Variants in WNT4 observed in about 807,000 individuals in gnomAD.
The protein encoded by WNT4 is protein Wnt-4.
In WNT4, 16 loss-of-function variants were observed where a neutral mutation model predicts 34.5. The observed-to-expected ratio is 0.46, with a 90% CI of 0.31 to 0.70. WNT4 has a LOEUF of 0.70. Ranked by LOEUF, WNT4 falls within the 30% of genes least tolerant of loss-of-function variation. The pLI is 0.04. For synonymous variants in WNT4, 200 were observed against 211.9 expected, an observed-to-expected ratio of 0.94 and a Z score of 0.49; for missense variants, 379 against 495.9, an observed-to-expected ratio of 0.76 and a Z score of 2.24.
chr1:22,137,271 C>A lies in WNT4; in HGVS notation c.77+5575G>T, dbSNP rs1213516590. On this transcript the variant is annotated intron_variant, in intron 1 of 4. Transcript: ENST00000290167. This position sits in a 1 kb window ranked among gnomAD's most constrained non-coding sequence, Gnocchi z 5.3. Reference sequence around the variant, plus strand: ...GAGCTGGTGGGGTCACGGCAGGGAGCGAGCCGTCCCGAGTTTGGCTGAATC... The same window carrying A: ...GAGCTGGTGGGGTCACGGCAGGGAGAGAGCCGTCCCGAGTTTGGCTGAATC... Among the ~76,000 whole-genome samples the A allele has an allele frequency of 1.3e-5, 2 of 152,180 alleles. No individual in the cohort carries two copies. The highest frequency in any genetic ancestry group is 2.9e-5 in the Non-Finnish European group (2 of 68,034).
chr1:22,134,295 A>G lies in WNT4; in HGVS notation c.78-4444T>C, dbSNP rs1646005400. Among the ~76,000 whole-genome samples, 1 of 152,198 alleles carries G rather than the reference A, an allele frequency of 6.6e-6. No individual in the cohort carries two copies. Among genetic ancestry groups the G allele is most frequent in the African/African-American group, 2.4e-5 (1 of 41,444 alleles). The stretch of plus-strand genomic sequence containing the variant: ...CGGAAGAAAACGGAGTGGCTGCTGA[A>G]CAGAGCTGCCTTGGGGGATGCGGGC... On this transcript the variant is annotated intron_variant, in intron 1 of 4. Transcript: ENST00000290167. The surrounding 1 kb of genome is among the most constrained non-coding windows in gnomAD (Gnocchi z 4.1).
At chr1:22,122,341 A>C (rs1389060155) in intron 2 of WNT4, among the ~76,000 whole-genome samples, 1 of 152,124 alleles carries the variant, frequency 6.6e-6, no homozygotes, top group African/African-American at 2.4e-5. Flanking sequence ...ATTTGGTCCC[A>C]GTCACCCAGC....
At chr1:22,128,934 A>T (rs1282644407) in intron 2 of WNT4, among the ~76,000 whole-genome samples, 1 of 152,044 alleles carries the variant, frequency 6.6e-6, no homozygotes, top group African/African-American at 2.4e-5. Context: ...GTTACCCAGG[A>T]TGGTGTCGAT....
In WNT4 at chr1:22,140,285, G is replaced by A. The variant is rs535020401; in HGVS notation, c.77+2561C>T. The A allele has an allele frequency of 7.1e-6, 7 of 985,438 alleles. No homozygotes were observed. The highest frequency in any genetic ancestry group is 3.5e-5 in the African/African-American group (2 of 57,366). 61.0% of individuals were successfully genotyped at this position (985,438 alleles called of 1,614,324 possible). On this transcript the variant is annotated intron_variant, in intron 1 of 4. Transcript: ENST00000290167. The surrounding 1 kb of genome is among the most constrained non-coding windows in gnomAD (Gnocchi z 5.9). The stretch of plus-strand genomic sequence containing the variant: ...TCCTTCTAGAGGCAGCTTTTCAGTC[G>A]GACACCTCTGGCATTTACCAGCTGG...
intron 1 of WNT4, among the ~76,000 whole-genome samples, chr1:22,131,927 G>C (rs1387714978): frequency 6.6e-6 from 1 of 152,238 alleles, no homozygotes; most frequent in African/African-American, 2.4e-5. Flanking sequence ...GGGAAGACAA[G>C]GGCAGGAAGG....
At chr1:22,121,181 C>A in intron 4 of WNT4, 30 bp downstream of exon 4, 1 of 1,613,322 alleles carries the variant, frequency 6.2e-7, no homozygotes, top group South Asian at 1.1e-5. Flanking sequence ...ATCCCTACCC[C>A]GCTCTTGGTG....
In WNT4 at chr1:22,119,892, C is replaced by T; in HGVS notation, c.*158G>A. On this transcript the variant is annotated 3_prime_UTR_variant, in exon 5 of 5. Transcript: ENST00000290167. ...GCCCTGGTTGGTGCCCTTGGGGTTG[C>T]CTGCCTGGTTTCGGCAATAAATAAC... 1.1e-6 allele frequency: 1 copy of T among 937,050 alleles called. No individual in the cohort carries two copies. The highest frequency in any genetic ancestry group is 1.6e-6 in the Non-Finnish European group (1 of 629,402). The allele number at this position is 937,050 out of a possible 1,614,324, so 58.0% of individuals were successfully genotyped here.
intron 2 of WNT4, among the ~76,000 whole-genome samples, chr1:22,128,657 G>T (rs538036597): frequency 6.6e-5 from 10 of 152,208 alleles, no homozygotes; most frequent in Admixed American, 2.0e-4. Context: ...TCGAGGATAA[G>T]ACCACAGACC....
intron 1 of WNT4, among the ~76,000 whole-genome samples, chr1:22,132,185 G>A (rs1002830561): frequency 7.2e-5 from 11 of 152,224 alleles, no homozygotes; most frequent in Non-Finnish European, 1.3e-4. Flanking sequence ...ATCCTTTCCT[G>A]CTCAGACCGA....
Position 22,134,102 on chromosome 1 carries a change from G to A in WNT4, c.78-4251C>T, listed in dbSNP as rs976366129. Among the ~76,000 whole-genome samples, 4 of 152,242 alleles carry A rather than the reference G, an allele frequency of 2.6e-5. No homozygotes were observed. The highest frequency in any genetic ancestry group is 9.6e-5 in the African/African-American group (4 of 41,472). On this transcript the variant is annotated intron_variant, in intron 1 of 4. Coordinates refer to ENST00000290167, the MANE Select transcript of WNT4 (RefSeq NM_030761.5). The surrounding 1 kb of genome is among the most constrained non-coding windows in gnomAD (Gnocchi z 4.1). ...GGAGGCCAAGCAGATCAGTGTCGTGGGTCCCGGCCCTGCGGGTGTCCAGGT... is the reference window on the plus strand; with the variant it reads ...GGAGGCCAAGCAGATCAGTGTCGTGAGTCCCGGCCCTGCGGGTGTCCAGGT...
chr1:22,134,357 A>T lies in WNT4; in HGVS notation c.78-4506T>A, dbSNP rs1314293519. On this transcript the variant is annotated intron_variant, in intron 1 of 4. Coordinates refer to ENST00000290167, the MANE Select transcript of WNT4 (RefSeq NM_030761.5). This position sits in a 1 kb window ranked among gnomAD's most constrained non-coding sequence, Gnocchi z 4.1. The stretch of plus-strand genomic sequence containing the variant: ...AAAGTGACCACAGTCCCCATCTAGG[A>T]CTGTGTTCTTAGGGGGATGGTACCT... Among the ~76,000 whole-genome samples, 1 of 152,070 alleles carries T rather than the reference A, an allele frequency of 6.6e-6. No individual in the cohort carries two copies. The highest frequency in any genetic ancestry group is 1.5e-5 in the Non-Finnish European group (1 of 67,988).
Position 22,137,430 on chromosome 1 carries a change from C to T in WNT4, c.77+5416G>A, listed in dbSNP as rs996041583. On this transcript the variant is annotated intron_variant, in intron 1 of 4. Transcript: ENST00000290167. This position sits in a 1 kb window ranked among gnomAD's most constrained non-coding sequence, Gnocchi z 5.3. ...AGTGAAGGGGTGACTGGAGGGCCCA[C>T]GGCAGGCAGCTGTCACCCCACCCAT... is the stretch of plus-strand genomic sequence containing the variant. Among the ~76,000 whole-genome samples the T allele has an allele frequency of 2.6e-5, 4 of 152,218 alleles. No homozygotes were observed. The highest frequency in any genetic ancestry group is 2.9e-5 in the Non-Finnish European group (2 of 68,036).
chr1:22,143,000 CCGCGGGCGGGCCGGGGCGCG>C lies in WNT4; in HGVS notation c.-98_-79del, dbSNP rs1310291535. 2.4e-6 allele frequency: 2 copies of C among 823,520 alleles called. No individual in the cohort carries two copies. The highest frequency in any genetic ancestry group is 2.9e-6 in the Non-Finnish European group (2 of 686,120). 51.0% of individuals were successfully genotyped at this position (823,520 alleles called of 1,614,324 possible). A position where few individuals can be genotyped will look rare whatever the true frequency, so the allele number is the denominator to read the frequency against. ...TCCCGTCGGGGCTGCAGGTGGGCGC[CCGCGGGCGGGCCGGGGCGCG>C]CGCGGCGGGGCTCTGCCTCCGTGTG... On this transcript the variant is annotated 5_prime_UTR_variant, in exon 1 of 5. Transcript: ENST00000290167. This position sits in a 1 kb window ranked among gnomAD's most constrained non-coding sequence, Gnocchi z 6.0.
In WNT4 at chr1:22,121,532, C is replaced by G. The variant is rs1263954751; in HGVS notation, c.358G>C (p.Val120Leu). ...AFVYAISSAG[V>L]AFAVTRACSS... ...CACGCCCGCGTCACTGCAAAGGCCA[C>G]ACCTGCCGAAGAGATGGCGTACACG... is the stretch of plus-strand genomic sequence containing the variant. The change falls in exon 3 of 5, where the codon GTG (valine) becomes CTG (leucine). Residue 120 changes from valine (V) to leucine (L), a missense_variant. Around this residue, in one of 2 missense-constraint regions of WNT4, gnomAD observed 313 missense variants for 445.8 expected, o/e 0.70. Transcript: ENST00000290167. 1.9e-6 allele frequency: 3 copies of G among 1,613,874 alleles called. No homozygotes were observed. The highest frequency in any genetic ancestry group is 2.7e-5 in the African/African-American group (2 of 74,936).
chr1:22,139,945 C>G lies in WNT4; in HGVS notation c.77+2901G>C, dbSNP rs1398691159. 6.6e-6 allele frequency among the ~76,000 whole-genome samples: 1 copy of G among 152,242 alleles called. No individual in the cohort carries two copies. The highest frequency in any genetic ancestry group is 2.4e-5 in the African/African-American group (1 of 41,458). ...GTCTAATCAACAGCTCCCAGCTTCT[C>G]TGGGCCTGCCCAGGCCTCAGGCTGC... is the stretch of plus-strand genomic sequence containing the variant. On this transcript the variant is annotated intron_variant, in intron 1 of 4. Transcript: ENST00000290167. The surrounding 1 kb of genome is among the most constrained non-coding windows in gnomAD (Gnocchi z 4.6).
At chr1:22,132,458 C>T (rs1193274059) in intron 1 of WNT4, among the ~76,000 whole-genome samples, 2 of 152,216 alleles carry the variant, frequency 1.3e-5, no homozygotes, top group African/African-American at 4.8e-5. Flanking sequence ...GTACAGTAAA[C>T]CGGTGGGTCC....
rs1054040863 is a variant in WNT4 at position 22,142,354 on chromosome 1, G to T, written c.77+492C>A. Among the ~76,000 whole-genome samples the T allele has an allele frequency of 6.6e-6, 1 of 152,016 alleles. No individual in the cohort carries two copies. The highest frequency in any genetic ancestry group is 2.4e-5 in the African/African-American group (1 of 41,416). The stretch of plus-strand genomic sequence containing the variant: ...GCTCCCGCCCCCCAAGCAGAAACAG[G>T]TCCCTGCACGCCTCCAGCCCAGCCC... On this transcript the variant is annotated intron_variant, in intron 1 of 4. Transcript: ENST00000290167. The surrounding 1 kb of genome is among the most constrained non-coding windows in gnomAD (Gnocchi z 6.0).
At chr1:22,141,818 T>C (rs907166178) in intron 1 of WNT4, among the ~76,000 whole-genome samples, 1 of 152,178 alleles carries the variant, frequency 6.6e-6, no homozygotes, top group South Asian at 2.1e-4. Flanking sequence ...TTTTTTCCTC[T>C]CTCCCTGTCT....
intron 2 of WNT4, among the ~76,000 whole-genome samples, chr1:22,127,693 T>A (rs1425319858): frequency 2.0e-5 from 3 of 152,194 alleles, no homozygotes; most frequent in African/African-American, 7.2e-5. Context: ...AAGCTGTTGG[T>A]GAATCAAGTG....
Sources: gnomAD v4.1 joint callset for allele counts (sites outside exome capture counted in the v4.1 genomes callset) on GRCh38, gnomAD v4.1.1 for gene constraint, gnomAD v4.1.1 regional missense constraint, Gnocchi (gnomAD v3.1) non-coding constraint, MANE v1.5 for transcripts, NCBI Gene and HGNC (gene_info 2026-07-23, HGNC 2026-07-21) for gene names.